The following DLGAP4 variants were observed in gnomAD, a reference collection of about 807,000 sequenced individuals.
DLGAP4 encodes the protein disks large-associated protein 4.
DLGAP4 carries 18 observed loss-of-function variants against 86.9 expected under a neutral mutation model. The ratio of observed to expected loss-of-function variants is 0.21; its 90% CI spans 0.14 to 0.31. DLGAP4 has a LOEUF of 0.31. Ranked by LOEUF, DLGAP4 falls within the 10% of genes least tolerant of loss-of-function variation. The pLI is 1.00. For synonymous variants in DLGAP4, 548 were observed against 574.3 expected (o/e 0.95, Z 0.65); for missense variants, 1,085 against 1,362.6 (o/e 0.80, Z 3.21).
chr20:36,494,577 C>T (rs1257237605), intron 7 of DLGAP4, among the ~76,000 whole-genome samples: 1 of 152,188 alleles, frequency 6.6e-6, no homozygotes, highest in Non-Finnish European at 1.5e-5. Context: ...ACAATCCACC[C>T]ATCTTATTCA....
chr20:36,312,281 C>T (rs1000881092), intron 1 of DLGAP4, among the ~76,000 whole-genome samples: 16 of 152,160 alleles, frequency 1.1e-4, no homozygotes, highest in Admixed American at 3.3e-4. Flanking sequence ...TGAGGAAGAA[C>T]AAGATATTTG....
chr20:36,324,131 G>A (rs1456405696), intron 1 of DLGAP4, among the ~76,000 whole-genome samples: 1 of 152,078 alleles, frequency 6.6e-6, no homozygotes, highest in African/African-American at 2.4e-5. Context: ...TTTCTTCTAA[G>A]AGCTTTATAG....
intron 1 of DLGAP4, among the ~76,000 whole-genome samples, chr20:36,311,758 T>C (rs1817900510): frequency 6.6e-6 from 1 of 151,908 alleles, no homozygotes; most frequent in Admixed American, 6.6e-5. Context: ...GCACAGCCGG[T>C]GAAGTGGAGG....
At chr20:36,339,396 T>G (rs2065354559) in intron 1 of DLGAP4, among the ~76,000 whole-genome samples, 1 of 151,808 alleles carries the variant, frequency 6.6e-6, no homozygotes, top group East Asian at 1.9e-4. Context: ...CCTGTTTTTT[T>G]TGTTTGTTTA....
In DLGAP4 at chr20:36,500,614, G is replaced by C; in HGVS notation, c.2512+3G>C. 2.7e-6 allele frequency: 4 copies of C among 1,488,732 alleles called. No individual in the cohort carries two copies. Among genetic ancestry groups the C allele is most frequent in the Non-Finnish European group, 3.6e-6 (4 of 1,118,990 alleles). 92.2% of individuals were successfully genotyped at this position (1,488,732 alleles called of 1,614,324 possible). A position where few individuals can be genotyped will look rare whatever the true frequency, so the allele number is the denominator to read the frequency against. On this transcript the variant is annotated splice_donor_region_variant and intron_variant, in intron 10 of 12. Transcript: ENST00000339266. This position sits in a 1 kb window ranked among gnomAD's most constrained non-coding sequence, Gnocchi z 4.6. ...AGAGAACAACCTCTCTGAAGAAGGT[G>C]GGTGCCACATGGATGGTCCTTGGGC...
chr20:36,410,523 G>T (rs2032468897), intron 2 of DLGAP4, among the ~76,000 whole-genome samples: 1 of 152,204 alleles, frequency 6.6e-6, no homozygotes, highest in African/African-American at 2.4e-5. Flanking sequence ...TTGGCTTACA[G>T]TTCTGCAAGC....
chr20:36,402,756 T>TAA (rs1169362634), intron 2 of DLGAP4, among the ~76,000 whole-genome samples: 1 of 152,154 alleles, frequency 6.6e-6, no homozygotes, highest in Non-Finnish European at 1.5e-5. Context: ...AAAAAATTTT[T>TAA]TTTTATTAAA....
At chr20:36,503,645 C>T (rs1177063334) in intron 10 of DLGAP4, among the ~76,000 whole-genome samples, 5 of 151,984 alleles carry the variant, frequency 3.3e-5, no homozygotes, top group East Asian at 1.9e-4. Flanking sequence ...CTGCCAACCA[C>T]GCCCGGGTAA....
chr20:36,362,433 G>A (rs1379380718), intron 1 of DLGAP4, among the ~76,000 whole-genome samples: 1 of 152,130 alleles, frequency 6.6e-6, no homozygotes, highest in Admixed American at 6.5e-5. Flanking sequence ...CACAGACTGG[G>A]CCCTGTACAC....
intron 1 of DLGAP4, among the ~76,000 whole-genome samples, chr20:36,358,642 T>TA (rs1384780963): frequency 2.7e-4 from 41 of 152,010 alleles, no homozygotes; most frequent in African/African-American, 9.4e-4. Flanking sequence ...CTGTCTCTAC[T>TA]AAAAAAATAC....
intron 10 of DLGAP4, among the ~76,000 whole-genome samples, chr20:36,516,462 T>C (rs1398704688): frequency 6.6e-6 from 1 of 151,976 alleles, no homozygotes; most frequent in Non-Finnish European, 1.5e-5. Context: ...ACTCAGGAGT[T>C]CGAGACCAGC....
Position 36,467,064 on chromosome 20 carries a change from C to CT in DLGAP4, c.1648+20127_1648+20128insT, listed in dbSNP as rs1555907464. ...TCTCTCTCTCTCTCTCTCTCTCTCT[C>CT]CCCCCCCCTTCTCTCGGCCCTGCCT... On this transcript the variant is annotated intron_variant, in intron 7 of 12. Coordinates refer to ENST00000339266, the MANE Select transcript of DLGAP4 (RefSeq NM_001365621.2). 3.4e-3 allele frequency among the ~76,000 whole-genome samples: 397 copies of CT among 118,078 alleles called. 31 individuals are homozygous for CT. The highest frequency in any genetic ancestry group is 0.018 in the African/African-American group (376 of 20,522). 77.5% of individuals were successfully genotyped at this position (118,078 alleles called of 152,430 possible). A position where few individuals can be genotyped will look rare whatever the true frequency, so the allele number is the denominator to read the frequency against.
intron 2 of DLGAP4, among the ~76,000 whole-genome samples, chr20:36,416,350 G>A (rs2032653191): frequency 6.6e-6 from 1 of 152,230 alleles, no homozygotes; most frequent in Non-Finnish European, 1.5e-5. Context: ...TCGAACTCCT[G>A]ACCTCAAGAG....
intron 2 of DLGAP4, among the ~76,000 whole-genome samples, chr20:36,414,887 T>C (rs545115771): frequency 6.6e-6 from 1 of 152,130 alleles, no homozygotes; most frequent in African/African-American, 2.4e-5. Flanking sequence ...GTCTAGAGAG[T>C]TGTGCTCTGG....
At chr20:36,365,857 C>A (rs2030667484) in intron 1 of DLGAP4, among the ~76,000 whole-genome samples, 1 of 152,194 alleles carries the variant, frequency 6.6e-6, no homozygotes, top group Non-Finnish European at 1.5e-5. Flanking sequence ...ACCTGGACCT[C>A]TCCTCTCAGG....
chr20:36,423,268 G>A (rs1352299871), intron 2 of DLGAP4, among the ~76,000 whole-genome samples: 2 of 151,106 alleles, frequency 1.3e-5, no homozygotes, highest in Non-Finnish European at 3.0e-5. Flanking sequence ...TCGAGACCTG[G>A]CCAATGGTGA....
chr20:36,527,163 G>A lies in DLGAP4; in HGVS notation c.*132G>A, dbSNP rs1026890278. The A allele has an allele frequency of 1.1e-5, 10 of 935,500 alleles. No individual in the cohort carries two copies. The highest frequency in any genetic ancestry group is 1.0e-4 in the South Asian group (4 of 39,884). The allele number at this position is 935,500 out of a possible 1,614,324, so 57.9% of individuals were successfully genotyped here. A position where few individuals can be genotyped will look rare whatever the true frequency, so the allele number is the denominator to read the frequency against. Reference sequence around the variant, plus strand: ...ACCCTGAGCCAACTTTCAAATTGACGCATACAAGGGCTCACAATTTGGCTT... The same window carrying A: ...ACCCTGAGCCAACTTTCAAATTGACACATACAAGGGCTCACAATTTGGCTT... On this transcript the variant is annotated 3_prime_UTR_variant, in exon 13 of 13. Transcript: ENST00000339266.
At position 36,499,605 on chromosome 20, in the gene DLGAP4, A is replaced by G. The variant is rs1207902631; in HGVS notation, c.2028A>G (p.Pro676=). 1.2e-6 allele frequency: 2 copies of G among 1,614,062 alleles called. No homozygotes were observed. The highest frequency in any genetic ancestry group is 8.5e-7 in the Non-Finnish European group (1 of 1,180,000). The change falls in exon 9 of 13, where the codon CCA becomes CCG. Residue 676 remains proline (P), a synonymous_variant. Coordinates refer to ENST00000339266, the MANE Select transcript of DLGAP4 (RefSeq NM_001365621.2). The part of the protein sequence containing the change: ...SIGIQVDCIQ[P]VPKEEPSPAT... ...TCAATAAGGTTGACTGCATTCAGCC[A>G]GTGCCAAAAGAGGAGCCCAGTCCCG...
intron 7 of DLGAP4, among the ~76,000 whole-genome samples, chr20:36,488,956 G>A (rs571523886): frequency 3.9e-5 from 6 of 152,328 alleles, no homozygotes; most frequent in African/African-American, 1.2e-4. Flanking sequence ...TGGATGAAGC[G>A]TACCTAACAC....
Sources: gnomAD v4.1 joint callset for allele counts (sites outside exome capture counted in the v4.1 genomes callset) on GRCh38, gnomAD v4.1.1 for gene constraint, Gnocchi (gnomAD v3.1) non-coding constraint, MANE v1.5 for transcripts, NCBI Gene and HGNC (gene_info 2026-07-23, HGNC 2026-07-21) for gene names.